TTLL13: variants seen among roughly 807,000 people sequenced by gnomAD.
The protein encoded by TTLL13 is tubulin polyglutamylase TTLL13.
chr15:90,260,850 C>CAAAAA, the TTLL13 span, among the ~76,000 whole-genome samples: 5 of 60,246 alleles, frequency 8.3e-5, no homozygotes, highest in African/African-American at 2.6e-4. Flanking sequence ...GACTCTGTCT[C>CAAAAA]AAAAAAAAAA....
the TTLL13 span, chr15:90,262,251 TG>T: frequency 4.8e-5 from 69 of 1,428,632 alleles, 1 homozygote; most frequent in East Asian, 4.8e-4. Context: ...GAAGCTGCAT[TG>T]CTTCCCAGCA....
the TTLL13 span, chr15:90,256,243 T>A: frequency 6.2e-7 from 1 of 1,613,934 alleles, no homozygotes; most frequent in East Asian, 2.2e-5. Flanking sequence ...TTACCCGAAA[T>A]CCCCGGGAGA....
chr15:90,263,677 T>G, the TTLL13 span: 34 of 610,286 alleles, frequency 5.6e-5, no homozygotes, highest in African/African-American at 4.4e-4. Context: ...AGTTACCTCC[T>G]TCTTCCAACG....
chr15:90,260,141 G>A, the TTLL13 span, among the ~76,000 whole-genome samples: 1 of 152,162 alleles, frequency 6.6e-6, no homozygotes, highest in Admixed American at 6.6e-5. Context: ...AAAAATGGTT[G>A]AACAGTACTG....
At chr15:90,262,425 A>G in the TTLL13 span, 1 of 1,413,404 alleles carries the variant, frequency 7.1e-7, no homozygotes, top group Non-Finnish European at 9.2e-7. Flanking sequence ...CCTCATCCCC[A>G]TTTTTCCTCA....
At chr15:90,262,046 C>G in the TTLL13 span, 1 of 1,535,666 alleles carries the variant, frequency 6.5e-7, no homozygotes, top group Non-Finnish European at 8.7e-7. Flanking sequence ...AATGCTGGAC[C>G]AGGAACGATA....
chr15:90,259,195 C>A, the TTLL13 span: 1 of 477,806 alleles, frequency 2.1e-6, no homozygotes, highest in Non-Finnish European at 3.5e-6. Flanking sequence ...GACTCTGTCC[C>A]TAAAACACAA....
At chr15:90,260,476 G>C in the TTLL13 span, among the ~76,000 whole-genome samples, 1 of 152,138 alleles carries the variant, frequency 6.6e-6, no homozygotes, top group South Asian at 2.1e-4. Flanking sequence ...CAGCCTGGAC[G>C]ATAGAGTGAG....
At chr15:90,261,630 A>C in the TTLL13 span, among the ~76,000 whole-genome samples, 17 of 151,964 alleles carry the variant, frequency 1.1e-4, 1 homozygote, top group East Asian at 2.9e-3. Flanking sequence ...AAATACAAAA[A>C]TTGGCCAGGC....
the TTLL13 span, chr15:90,251,462 G>C: frequency 7.6e-7 from 1 of 1,309,444 alleles, no homozygotes; most frequent in South Asian, 1.2e-5. Context: ...TAGAGAAAAG[G>C]AATTGTGTTG....
At chr15:90,257,855 C>T in the TTLL13 span, 4 of 990,464 alleles carry the variant, frequency 4.0e-6, no homozygotes, top group South Asian at 1.6e-5. Context: ...CTGTCCTGTG[C>T]CTGCACTTTG....
chr15:90,253,345 T>TCATGGA, the TTLL13 span: 1 of 1,612,628 alleles, frequency 6.2e-7, no homozygotes. Context: ...CTGGAACGAG[T>TCATGGA]CATGGACATG....
chr15:90,263,931 C>T, the TTLL13 span: 1 of 1,504,526 alleles, frequency 6.6e-7, no homozygotes, highest in Non-Finnish European at 8.9e-7. Context: ...CACATGTTCC[C>T]CGGTACCATC....
At chr15:90,261,988 T>C in the TTLL13 span, 3 of 1,522,736 alleles carry the variant, frequency 2.0e-6, no homozygotes, top group African/African-American at 4.1e-5. Flanking sequence ...CTTGACTCAC[T>C]GAGCTTGCTT....
At chr15:90,252,920 T>C in the TTLL13 span, among the ~76,000 whole-genome samples, 1 of 152,166 alleles carries the variant, frequency 6.6e-6, no homozygotes, top group African/African-American at 2.4e-5. Flanking sequence ...CGAGAATCTC[T>C]TGAACCTGGG....
the TTLL13 span, among the ~76,000 whole-genome samples, chr15:90,253,079 A>G: frequency 1.3e-5 from 2 of 152,178 alleles, no homozygotes; most frequent in African/African-American, 4.8e-5. Flanking sequence ...GACAGCCCCT[A>G]AGAACTTGAA....
the TTLL13 span, among the ~76,000 whole-genome samples, chr15:90,259,727 T>A: frequency 6.6e-6 from 1 of 152,326 alleles, no homozygotes; most frequent in African/African-American, 2.4e-5. Flanking sequence ...AACCAGTTCC[T>A]GAGAAACTTT....
the TTLL13 span, chr15:90,257,082 A>G: frequency 1.3e-6 from 2 of 1,541,254 alleles, no homozygotes; most frequent in South Asian, 2.4e-5. Context: ...TTAGAACAGC[A>G]CATAGTAGGC....
At chr15:90,262,235 A>G in the TTLL13 span, 1 of 1,470,704 alleles carries the variant, frequency 6.8e-7, no homozygotes, top group South Asian at 1.4e-5. Context: ...GGTGGGGACA[A>G]GTCCTGAAGC....
Sources: gnomAD v4.1 joint callset for allele counts (sites outside exome capture counted in the v4.1 genomes callset) on GRCh38, gnomAD v4.1.1 for gene constraint, MANE v1.5 for transcripts, NCBI Gene and HGNC (gene_info 2026-07-23, HGNC 2026-07-21) for gene names.